Variants in NUS1 observed in about 807,000 individuals in gnomAD.
NUS1 encodes the protein dehydrodolichyl diphosphate synthase complex subunit NUS1.
For synonymous variants in NUS1, 135 were observed against 155.2 expected (o/e 0.87, Z 0.97); for missense variants, 292 against 382.9 (o/e 0.76, Z 1.98).
intron 1 of NUS1, among the ~76,000 whole-genome samples, chr6:117,690,335 A>G: frequency 6.6e-6 from 1 of 152,086 alleles, no homozygotes; most frequent in East Asian, 1.9e-4. Context: ...TTCTCTATAT[A>G]TACCTAATTA....
intron 3 of NUS1, among the ~76,000 whole-genome samples, chr6:117,699,446 T>A (rs1773367075): frequency 6.6e-6 from 1 of 152,126 alleles, no homozygotes; most frequent in South Asian, 2.1e-4. Context: ...GTGAAAGATC[T>A]CTACAATGAA....
rs1772957443 is a variant in NUS1, at chr6:117,675,584, C to G, written c.-87C>G. On this transcript the variant is annotated 5_prime_UTR_variant, in exon 1 of 5. Coordinates refer to ENST00000368494, the MANE Select transcript of NUS1 (RefSeq NM_138459.5). The stretch of plus-strand genomic sequence containing the variant: ...GGGGCGGGGGGACGCGGAGCGATGG[C>G]CCGCGCCGGCCGCAGGGGCGGATAA... 1.4e-6 allele frequency: 2 copies of G among 1,393,246 alleles called. No individual in the cohort carries two copies. The highest frequency in any genetic ancestry group is 1.4e-5 in the African/African-American group (1 of 70,052). The allele number at this position is 1,393,246 out of a possible 1,614,324, so 86.3% of individuals were successfully genotyped here.
At chr6:117,685,090 A>C (rs1773117236) in intron 1 of NUS1, among the ~76,000 whole-genome samples, 1 of 152,192 alleles carries the variant, frequency 6.6e-6, no homozygotes. Flanking sequence ...TAAGACTAGA[A>C]TTTAAAACAA....
chr6:117,682,228 C>T (rs1238462720), intron 1 of NUS1, among the ~76,000 whole-genome samples: 1 of 152,164 alleles, frequency 6.6e-6, no homozygotes, highest in African/African-American at 2.4e-5. Flanking sequence ...AAAATTCTAT[C>T]CTGCTTTTGT....
chr6:117,701,534 A>G (rs1262860800), intron 3 of NUS1, among the ~76,000 whole-genome samples: 1 of 151,746 alleles, frequency 6.6e-6, no homozygotes, highest in African/African-American at 2.4e-5. Context: ...GTGAGCCACC[A>G]CGCCCGGCCG....
intron 1 of NUS1, among the ~76,000 whole-genome samples, chr6:117,687,134 T>C (rs1298291554): frequency 2.6e-5 from 4 of 152,212 alleles, no homozygotes; most frequent in African/African-American, 9.7e-5. Context: ...TAAGAGACAT[T>C]TTGTAACTGT....
chr6:117,694,887 A>C (rs1773293712), intron 3 of NUS1, among the ~76,000 whole-genome samples: 1 of 152,102 alleles, frequency 6.6e-6, no homozygotes, highest in Non-Finnish European at 1.5e-5. Flanking sequence ...TAGACTATCC[A>C]TTTACTTATT....
At chr6:117,692,321 T>C (rs900153672) in intron 1 of NUS1, among the ~76,000 whole-genome samples, 1 of 152,132 alleles carries the variant, frequency 6.6e-6, no homozygotes, top group Non-Finnish European at 1.5e-5. Context: ...ACTAGAAAGC[T>C]GCCTCTGCAA....
At chr6:117,704,011 A>T (rs1012733350) in intron 4 of NUS1, among the ~76,000 whole-genome samples, 7 of 152,158 alleles carry the variant, frequency 4.6e-5, no homozygotes, top group Non-Finnish European at 8.8e-5. Context: ...TTTAGAGAAA[A>T]GGCGAGAAGG....
intron 4 of NUS1, 108 bp downstream of exon 4, chr6:117,703,812 C>G: frequency 1.3e-6 from 1 of 779,496 alleles, no homozygotes. Context: ...AATACTGGAT[C>G]CTTTACCTCA....
intron 1 of NUS1, among the ~76,000 whole-genome samples, chr6:117,680,838 A>AT (rs1333720390): frequency 6.6e-5 from 10 of 152,214 alleles, no homozygotes; most frequent in South Asian, 2.1e-4. Context: ...AAGACAACAA[A>AT]TTTTTTTTGT....
At chr6:117,689,345 A>G (rs1425559841) in intron 1 of NUS1, among the ~76,000 whole-genome samples, 1 of 152,172 alleles carries the variant, frequency 6.6e-6, no homozygotes, top group Non-Finnish European at 1.5e-5. Context: ...ACTGGTGAGA[A>G]CTGAAGGCTA....
chr6:117,702,867 G>A (rs1045076211), intron 3 of NUS1, among the ~76,000 whole-genome samples: 1 of 152,074 alleles, frequency 6.6e-6, no homozygotes, highest in Non-Finnish European at 1.5e-5. Context: ...AACAACTATT[G>A]GAACCTTAGT....
Position 117,678,677 on chromosome 6 carries a change from G to GT in NUS1, c.415+2613dup, listed in dbSNP as rs34349121. Among the ~76,000 whole-genome samples the GT allele has an allele frequency of 9.5e-3, 950 of 100,326 alleles. 14 individuals carry two copies. The highest frequency in any genetic ancestry group is 0.013 in the Admixed American group (114 of 8,780). 65.8% of individuals were successfully genotyped at this position (100,326 alleles called of 152,430 possible). A position where few individuals can be genotyped will look rare whatever the true frequency, so the allele number is the denominator to read the frequency against. On this transcript the variant is annotated intron_variant, in intron 1 of 4. Transcript: ENST00000368494. ...TTTATTTAGTGTTTCTTTTTCAGTGGTTTTTTTTTTTTTTTTTTTTTGAGA... is the reference window on the plus strand; with the variant it reads ...TTTATTTAGTGTTTCTTTTTCAGTGGTTTTTTTTTTTTTTTTTTTTTTGAGA...
intron 1 of NUS1, among the ~76,000 whole-genome samples, chr6:117,684,005 A>G (rs1289781173): frequency 2.0e-5 from 3 of 152,038 alleles, no homozygotes; most frequent in Non-Finnish European, 2.9e-5. Flanking sequence ...ATTAACTTCT[A>G]CTCTACTCTG....
intron 2 of NUS1, among the ~76,000 whole-genome samples, chr6:117,693,810 G>C (rs1427044379): frequency 6.6e-6 from 1 of 152,178 alleles, no homozygotes; most frequent in Admixed American, 6.5e-5. Context: ...AAAGAAGGCA[G>C]TGTATAAATA....
intron 4 of NUS1, among the ~76,000 whole-genome samples, chr6:117,704,684 G>T (rs1773476665): frequency 6.6e-6 from 1 of 152,118 alleles, no homozygotes; most frequent in African/African-American, 2.4e-5. Context: ...CTCATGACAG[G>T]TATTTACCAT....
At chr6:117,706,045 C>T (rs1024566573) in intron 4 of NUS1, among the ~76,000 whole-genome samples, 3 of 152,106 alleles carry the variant, frequency 2.0e-5, no homozygotes, top group African/African-American at 7.2e-5. Flanking sequence ...CTGACTGTGA[C>T]TCTTCTATTC....
intron 1 of NUS1, among the ~76,000 whole-genome samples, chr6:117,680,536 G>T (rs1284754771): frequency 6.6e-6 from 1 of 152,110 alleles, no homozygotes; most frequent in Admixed American, 6.5e-5. Flanking sequence ...TTAGTCATTG[G>T]GGATGCTTAT....
Sources: allele counts gnomAD v4.1 joint callset (sites outside exome capture counted in the v4.1 genomes callset), GRCh38; gene constraint gnomAD v4.1.1; transcripts MANE v1.5; gene names NCBI Gene and HGNC (gene_info 2026-07-23, HGNC 2026-07-21).